The following ST6GALNAC3 variants were observed in gnomAD, a reference collection of about 807,000 sequenced individuals.
The protein encoded by ST6GALNAC3 is ST6 N-acetylgalactosaminide alpha-2,6-sialyltransferase 3, also known as alpha-N-acetylgalactosaminide alpha-2,6-sialyltransferase 3.
Under a neutral mutation model 32.7 loss-of-function variants are expected in ST6GALNAC3, and 25 were observed. That is an observed-to-expected ratio of 0.76 (90% CI 0.56 to 1.07). ST6GALNAC3 has a LOEUF of 1.07. ST6GALNAC3 is among the 50% of genes least tolerant of loss of function. The probability of loss-of-function intolerance (pLI) is 0.00; values close to 1 mark genes in which losing one functional copy is unlikely to be tolerated. For missense variants in ST6GALNAC3, 355 were observed against 382.4 expected, an observed-to-expected ratio of 0.93 and a Z score of 0.60; for synonymous variants, 129 against 133.1, an observed-to-expected ratio of 0.97 and a Z score of 0.21.
At chr1:76,508,906 T>C (rs1194507065) in intron 3 of ST6GALNAC3, among the ~76,000 whole-genome samples, 1 of 152,188 alleles carries the variant, frequency 6.6e-6, no homozygotes, top group African/African-American at 2.4e-5. Context: ...AAAGTAGACA[T>C]AAATTTCCAG....
intron 1 of ST6GALNAC3, among the ~76,000 whole-genome samples, chr1:76,204,958 GC>G (rs1226979671): frequency 6.6e-6 from 1 of 152,146 alleles, no homozygotes; most frequent in Non-Finnish European, 1.5e-5. Context: ...TTAGGAAAAT[GC>G]CATGCACATA....
In ST6GALNAC3 at chr1:76,577,411, A is replaced by T. The variant is rs367610555; in HGVS notation, c.624-50041A>T. 50 of 767,030 alleles carry T rather than the reference A, an allele frequency of 6.5e-5. No individual in the cohort carries two copies. In the East Asian group the frequency reaches 5.3e-3, roughly 81 times the overall value. The allele number at this position is 767,030 out of a possible 1,614,324, so 47.5% of individuals were successfully genotyped here. On this transcript the variant is annotated intron_variant, in intron 3 of 4. Transcript: ENST00000328299. ...ATCGCTCTTGTGAAAACGAGCCCTG[A>T]TAGTATCTTGGCTCACTAATTCATG...
At chr1:76,285,385 G>GGTGTGTGTGTGT (rs140357874) in intron 1 of ST6GALNAC3, among the ~76,000 whole-genome samples, 4,448 of 148,284 alleles carry the variant, frequency 0.03, 87 homozygotes, top group Admixed American at 0.066. Flanking sequence ...TCGGGAGGAT[G>GGTGTGTGTGTGT]GTGTGTGTGT....
chr1:76,384,248 A>T (rs747931287), intron 2 of ST6GALNAC3, among the ~76,000 whole-genome samples: 2 of 152,164 alleles, frequency 1.3e-5, no homozygotes, highest in African/African-American at 2.4e-5. Flanking sequence ...AGCTGTACTG[A>T]TATTAGGCAT....
chr1:76,405,043 G>C (rs548137723), intron 2 of ST6GALNAC3, among the ~76,000 whole-genome samples: 1 of 152,218 alleles, frequency 6.6e-6, no homozygotes, highest in African/African-American at 2.4e-5. Context: ...TGGGGCTAAA[G>C]TAGAAAGATA....
At chr1:76,184,281 G>A (rs761091328) in intron 1 of ST6GALNAC3, among the ~76,000 whole-genome samples, 1 of 152,114 alleles carries the variant, frequency 6.6e-6, no homozygotes, top group African/African-American at 2.4e-5. Flanking sequence ...GCTCACGCCT[G>A]TAATCCCAGC....
At chr1:76,125,574 A>G (rs1442843272) in intron 1 of ST6GALNAC3, among the ~76,000 whole-genome samples, 3 of 152,214 alleles carry the variant, frequency 2.0e-5, no homozygotes, top group Admixed American at 2.0e-4. Flanking sequence ...CCATCTGGAA[A>G]GAACCACAAA....
intron 3 of ST6GALNAC3, among the ~76,000 whole-genome samples, chr1:76,583,770 T>C (rs1646924032): frequency 6.6e-6 from 1 of 152,218 alleles, no homozygotes; most frequent in African/African-American, 2.4e-5. Flanking sequence ...CATATTTCCA[T>C]ATTCTAGGTA....
At chr1:76,515,986 A>C (rs1195376387) in intron 3 of ST6GALNAC3, among the ~76,000 whole-genome samples, 2 of 152,160 alleles carry the variant, frequency 1.3e-5, no homozygotes, top group African/African-American at 4.8e-5. Flanking sequence ...TGATCTGTTC[A>C]TTGTTGACAG....
At chr1:76,382,884 G>A (rs930989399) in intron 2 of ST6GALNAC3, among the ~76,000 whole-genome samples, 8 of 152,102 alleles carry the variant, frequency 5.3e-5, no homozygotes, top group African/African-American at 1.7e-4. Flanking sequence ...AACTGATAAA[G>A]CCTCAACACA....
rs1646842956 is a variant in ST6GALNAC3, at chr1:76,578,354, A to T, written c.624-49098A>T. Among the ~76,000 whole-genome samples, 3 of 152,162 alleles carry T rather than the reference A, an allele frequency of 2.0e-5. No homozygotes were observed. In the South Asian group the frequency reaches 6.2e-4, roughly 32 times the overall value. On this transcript the variant is annotated intron_variant, in intron 3 of 4. Transcript: ENST00000328299. Reference sequence around the variant, plus strand: ...AAACAATCAGTTGCAAGAGGTCATTATATCATAATCTGGACTTTGTTACTT... The same window carrying T: ...AAACAATCAGTTGCAAGAGGTCATTTTATCATAATCTGGACTTTGTTACTT...
intron 2 of ST6GALNAC3, among the ~76,000 whole-genome samples, chr1:76,349,687 A>G (rs1444781270): frequency 1.3e-5 from 2 of 152,194 alleles, no homozygotes; most frequent in African/African-American, 4.8e-5. Flanking sequence ...TATCAACTTC[A>G]GACATTATTT....
At chr1:76,601,258 G>A (rs772593034) in intron 3 of ST6GALNAC3, among the ~76,000 whole-genome samples, 5 of 152,052 alleles carry the variant, frequency 3.3e-5, no homozygotes, top group Non-Finnish European at 7.4e-5. Context: ...CAGGAAAATA[G>A]CAAACTAAAT....
At chr1:76,526,659 A>C (rs1291898726) in intron 3 of ST6GALNAC3, among the ~76,000 whole-genome samples, 2 of 152,130 alleles carry the variant, frequency 1.3e-5, no homozygotes, top group Non-Finnish European at 2.9e-5. Context: ...CATGGAGTCA[A>C]CACTTCACTT....
intron 2 of ST6GALNAC3, among the ~76,000 whole-genome samples, chr1:76,362,802 G>A (rs1361326254): frequency 6.6e-6 from 1 of 152,218 alleles, no homozygotes; most frequent in Non-Finnish European, 1.5e-5. Flanking sequence ...GGGCAGCTCT[G>A]TCCATGTGGC....
At chr1:76,312,177 G>A (rs1377014144) in intron 1 of ST6GALNAC3, among the ~76,000 whole-genome samples, 1 of 152,140 alleles carries the variant, frequency 6.6e-6, no homozygotes, top group Non-Finnish European at 1.5e-5. Flanking sequence ...AAACAATGGG[G>A]AAAGGATTCC....
chr1:76,195,230 G>T lies in ST6GALNAC3; in HGVS notation c.19-118575G>T, dbSNP rs1186593577. Among the ~76,000 whole-genome samples the T allele has an allele frequency of 2.0e-5, 3 of 152,138 alleles. No homozygotes were observed. In the East Asian group the frequency reaches 5.8e-4, roughly 29 times the overall value. On this transcript the variant is annotated intron_variant, in intron 1 of 4. Transcript: ENST00000328299. ...TTCATTCATTTAGAAGAAAACATCT[G>T]CCAACTGCCCACATATAAATAACTT...
chr1:76,430,223 T>C (rs937189405), intron 3 of ST6GALNAC3, among the ~76,000 whole-genome samples: 1 of 152,190 alleles, frequency 6.6e-6, no homozygotes, highest in Non-Finnish European at 1.5e-5. Flanking sequence ...TTCTCACTGC[T>C]TTCCATCTTT....
chr1:76,415,900 A>G (rs922873412), intron 3 of ST6GALNAC3, among the ~76,000 whole-genome samples: 7 of 152,012 alleles, frequency 4.6e-5, no homozygotes, highest in Non-Finnish European at 5.9e-5. Flanking sequence ...TCAAACCGAA[A>G]CTTTCAATTC....
Sources: allele counts gnomAD v4.1 joint callset (sites outside exome capture counted in the v4.1 genomes callset), GRCh38; gene constraint gnomAD v4.1.1; transcripts MANE v1.5; gene names NCBI Gene and HGNC (gene_info 2026-07-23, HGNC 2026-07-21).